The following ZNRF3 variants were observed in gnomAD, a reference collection of about 807,000 sequenced individuals.
The protein encoded by ZNRF3 is zinc and ring finger 3, also known as E3 ubiquitin-protein ligase ZNRF3.
A neutral mutation model predicts 72.5 loss-of-function variants in ZNRF3; 23 were observed. The observed-to-expected ratio is 0.32, with a 90% CI of 0.23 to 0.45. The LOEUF (loss-of-function observed/expected upper bound fraction) is 0.45, where lower values mean the gene tolerates loss of function less well. ZNRF3 is among the 20% of genes least tolerant of loss of function. ZNRF3 has a pLI of 1.00. For synonymous variants in ZNRF3, 610 were observed against 545.3 expected, an observed-to-expected ratio of 1.12 and a Z score of -1.65; for missense variants, 1,169 against 1,272.1, an observed-to-expected ratio of 0.92 and a Z score of 1.23.
chr22:29,045,690 T>A (rs993567733), intron 5 of ZNRF3, among the ~76,000 whole-genome samples: 2 of 152,160 alleles, frequency 1.3e-5, no homozygotes, highest in Non-Finnish European at 2.9e-5. Flanking sequence ...TTGGCCAGCC[T>A]GGTCTCAAAC....
chr22:28,937,293 T>A (rs1243570338), intron 1 of ZNRF3, among the ~76,000 whole-genome samples: 1 of 148,782 alleles, frequency 6.7e-6, no homozygotes, highest in Non-Finnish European at 1.5e-5. Flanking sequence ...GATTTATCAC[T>A]GTAGGGATCC....
chr22:28,945,207 C>T (rs1392212042), intron 1 of ZNRF3, among the ~76,000 whole-genome samples: 1 of 150,424 alleles, frequency 6.6e-6, no homozygotes, highest in Non-Finnish European at 1.5e-5. Context: ...AGGATGTTCA[C>T]TAACATGTTA....
At chr22:28,941,139 T>A (rs1487187139) in intron 1 of ZNRF3, among the ~76,000 whole-genome samples, 1 of 152,180 alleles carries the variant, frequency 6.6e-6, no homozygotes, top group African/African-American at 2.4e-5. Flanking sequence ...GGAAATCCTA[T>A]CACTGCAAAA....
intron 2 of ZNRF3, among the ~76,000 whole-genome samples, chr22:28,999,478 C>G (rs1206719127): frequency 6.6e-6 from 1 of 152,148 alleles, no homozygotes; most frequent in East Asian, 1.9e-4. Context: ...CCCTGACTCT[C>G]AAAGAAAGCT....
chr22:29,021,097 G>C (rs1286812333), intron 2 of ZNRF3, among the ~76,000 whole-genome samples: 2 of 151,846 alleles, frequency 1.3e-5, no homozygotes, highest in East Asian at 3.9e-4. Flanking sequence ...CACTCGGCCT[G>C]TTTTAAAAAT....
At chr22:28,964,318 A>C (rs993517496) in intron 1 of ZNRF3, among the ~76,000 whole-genome samples, 1 of 152,190 alleles carries the variant, frequency 6.6e-6, no homozygotes, top group African/African-American at 2.4e-5. Context: ...AAAGGTCTTC[A>C]TCCAGTTGGA....
rs1213849827 is a variant in ZNRF3, at chr22:29,043,506, T to G, written c.633+76T>G. On this transcript the variant is annotated intron_variant, in intron 4 of 8. Transcript: ENST00000544604. ...CTGTCCCTTTATTTCCCTTGGGCTTTCATTCCTATCTCTGTCTGAAATGCT... is the reference window on the plus strand; with the variant it reads ...CTGTCCCTTTATTTCCCTTGGGCTTGCATTCCTATCTCTGTCTGAAATGCT... 4.5e-6 allele frequency: 7 copies of G among 1,547,664 alleles called. No homozygotes were observed. The East Asian group carries it at 1.6e-4, about 35-fold the overall frequency.
intron 1 of ZNRF3, among the ~76,000 whole-genome samples, chr22:28,910,806 A>G (rs1243026507): frequency 6.6e-6 from 1 of 151,936 alleles, no homozygotes; most frequent in African/African-American, 2.4e-5. Context: ...CTCCAGCTGG[A>G]CTCTTAAGGA....
intron 1 of ZNRF3, among the ~76,000 whole-genome samples, chr22:28,984,031 TC>T (rs900803002): frequency 1.3e-5 from 2 of 152,036 alleles, no homozygotes; most frequent in Non-Finnish European, 2.9e-5. Context: ...AACCACATTG[TC>T]CTTCACTGTG....
Position 29,044,895 on chromosome 22 carries a change from T to G in ZNRF3, c.744+5T>G, listed in dbSNP as rs1209215416. On this transcript the variant is annotated splice_donor_5th_base_variant and intron_variant, in intron 5 of 8. Transcript: ENST00000544604. ...CTGAAGCAGCGACGCAGTCAGGTAG[T>G]GCCTCTGTGTGTAGCCCGTGAGCAG... 1 of 1,604,776 alleles carries G rather than the reference T, an allele frequency of 6.2e-7. No individual in the cohort carries two copies. Among genetic ancestry groups the G allele is most frequent in the Non-Finnish European group, 8.5e-7 (1 of 1,171,604 alleles).
At chr22:28,977,876 G>A (rs1013144188) in intron 1 of ZNRF3, among the ~76,000 whole-genome samples, 1 of 152,220 alleles carries the variant, frequency 6.6e-6, no homozygotes, top group Non-Finnish European at 1.5e-5. Flanking sequence ...ATTTTGTACT[G>A]AAAGCTTCTT....
rs964959159 is a variant in ZNRF3 at position 29,056,506 on chromosome 22, A to G, written c.*2884A>G. On this transcript the variant is annotated 3_prime_UTR_variant, in exon 9 of 9. Coordinates refer to ENST00000544604, the MANE Select transcript of ZNRF3 (RefSeq NM_001206998.2). ...TATTTTGTCACACGTAAATCAAAAG[A>G]AATGTCCTCTTTGAAGTTGTAAGAC... The G allele has an allele frequency of 2.0e-5, 3 of 152,250 alleles. No individual in the cohort carries two copies. The highest frequency in any genetic ancestry group is 1.3e-4 in the Admixed American group (2 of 15,290). 9.4% of individuals were successfully genotyped at this position (152,250 alleles called of 1,614,324 possible).
intron 2 of ZNRF3, among the ~76,000 whole-genome samples, chr22:28,991,748 C>G (rs2035957408): frequency 6.6e-6 from 1 of 152,096 alleles, no homozygotes. Flanking sequence ...TGAAATTGAA[C>G]AGCTTACAAG....
intron 1 of ZNRF3, among the ~76,000 whole-genome samples, chr22:28,908,295 C>T (rs1227460590): frequency 6.6e-6 from 1 of 152,138 alleles, no homozygotes; most frequent in Admixed American, 6.6e-5. Flanking sequence ...CCCTCAACAA[C>T]CCTCTATGTT....
Position 29,050,968 on chromosome 22 carries a change from G to A in ZNRF3, c.2767+20G>A, listed in dbSNP as rs754576044. The stretch of plus-strand genomic sequence containing the variant: ...CTGCAGGTGAGAGCAGGAAATGGCA[G>A]TAGGTCAGAGCAGGAGTTTCCATCA... On this transcript the variant is annotated intron_variant, in intron 8 of 8. Coordinates refer to ENST00000544604, the MANE Select transcript of ZNRF3 (RefSeq NM_001206998.2). 2.7e-6 allele frequency: 4 copies of A among 1,501,580 alleles called. No individual in the cohort carries two copies. In the Admixed American group the frequency reaches 9.0e-5, roughly 34 times the overall value. 93.0% of individuals were successfully genotyped at this position (1,501,580 alleles called of 1,614,324 possible).
rs983898530 is a variant in ZNRF3 at position 28,883,855 on chromosome 22, G to C, written c.89G>C (p.Arg30Pro). Residue 30 changes from arginine to proline, a missense_variant, in exon 1 of 9, where the codon CGC (arginine) becomes CCC (proline). Arg to Pro is a moderately radical substitution (Grantham distance 103). This residue lies in a region of ZNRF3 where 386 missense variants were observed against 540.7 expected (regional missense o/e 0.71). Transcript: ENST00000544604. The surrounding 1 kb of genome is among the most constrained non-coding windows in gnomAD (Gnocchi z 5.5). The stretch of plus-strand genomic sequence containing the variant: ...CGCCCCCGCGGCCTCCGGTGCAGCC[G>C]CCTGCCGCCGCCGCCGCCGCTGCCG... ...RRRPRGLRCS[R>P]LPPPPPLPLL... The C allele has an allele frequency of 1.5e-5, 15 of 993,444 alleles. No individual in the cohort carries two copies. Among genetic ancestry groups the C allele is most frequent in the Non-Finnish European group, 1.8e-5 (15 of 839,492 alleles). The allele number at this position is 993,444 out of a possible 1,614,324, so 61.5% of individuals were successfully genotyped here.
rs545925059 is a variant in ZNRF3 at position 29,050,309 on chromosome 22, T to C, written c.2128T>C (p.Cys710Arg). 4 of 1,599,304 alleles carry C rather than the reference T, an allele frequency of 2.5e-6. No homozygotes were observed. Among genetic ancestry groups the C allele is most frequent in the Non-Finnish European group, 3.4e-6 (4 of 1,178,088 alleles). Residue 710 changes from cysteine (C) to arginine (R), a missense_variant, in exon 8 of 9, where the codon TGT (cysteine) becomes CGT (arginine). Physicochemically the swap from Cys to Arg is radical, Grantham distance 180. Around this residue, in one of 2 missense-constraint regions of ZNRF3, gnomAD observed 783 missense variants for 731.4 expected, o/e 1.07. Coordinates refer to ENST00000544604, the MANE Select transcript of ZNRF3 (RefSeq NM_001206998.2). ...TWKGGHELPSCACCCEPQPSP... is the reference protein window; with the variant it reads ...TWKGGHELPSRACCCEPQPSP... ...GAAGGGGGGCCACGAGTTGCCGTCG[T>C]GTGCCTGCTGCTGCGAGCCCCAGCC... is the stretch of plus-strand genomic sequence containing the variant.
chr22:29,043,451 G>T, intron 4 of ZNRF3, 21 bp downstream of exon 4: 1 of 1,611,868 alleles, frequency 6.2e-7, no homozygotes, highest in South Asian at 1.1e-5. Context: ...GCACCATTTG[G>T]CACAGGCTCG....
At chr22:28,912,790 A>C (rs1394640588) in intron 1 of ZNRF3, among the ~76,000 whole-genome samples, 1 of 149,374 alleles carries the variant, frequency 6.7e-6, no homozygotes, top group Non-Finnish European at 1.5e-5. Flanking sequence ...TCAGCCTCCC[A>C]AGTAGCTGGA....
Sources: gnomAD v4.1 joint callset for allele counts (sites outside exome capture counted in the v4.1 genomes callset) on GRCh38, gnomAD v4.1.1 for gene constraint, gnomAD v4.1.1 regional missense constraint, Gnocchi (gnomAD v3.1) non-coding constraint, MANE v1.5 for transcripts, NCBI Gene and HGNC (gene_info 2026-07-23, HGNC 2026-07-21) for gene names.